MGAT4A: variants seen among roughly 807,000 people sequenced by gnomAD.
The protein encoded by MGAT4A is alpha-1,3-mannosyl-glycoprotein 4-beta-N-acetylglucosaminyltransferase A, also known as N-acetylglucosaminyltransferase IVa.
A neutral mutation model predicts 74.1 loss-of-function variants in MGAT4A; 33 were observed. The observed-to-expected ratio is 0.45, with a 90% CI of 0.34 to 0.60. The LOEUF is 0.60. MGAT4A is among the 20% of genes least tolerant of loss of function. MGAT4A has a pLI of 0.02. For missense variants in MGAT4A, 479 were observed against 628.3 expected (o/e 0.76, Z 2.54); for synonymous variants, 198 against 210.4 (o/e 0.94, Z 0.51).
chr2:98,726,586 A>G lies in MGAT4A; in HGVS notation c.-235-19T>C, dbSNP rs551183288. ...TCCCTTCCTATTCAGGGGAAAAGAG[A>G]AAGTCAAGCTCATTCGGTAATGCAA... On this transcript the variant is annotated intron_variant, in intron 1 of 15. Transcript: ENST00000393487. The G allele has an allele frequency of 2.4e-6, 1 of 410,606 alleles. No homozygotes were observed. Among genetic ancestry groups the G allele is most frequent in the East Asian group, 3.4e-5 (1 of 28,992 alleles). 25.4% of individuals were successfully genotyped at this position (410,606 alleles called of 1,614,324 possible).
chr2:98,647,552 C>CATGTCATACATG (rs1701510091), intron 8 of MGAT4A, among the ~76,000 whole-genome samples: 1 of 152,182 alleles, frequency 6.6e-6, no homozygotes. Flanking sequence ...CCCTTGACCT[C>CATGTCATACATG]AGGTGATCCA....
At position 98,656,211 on chromosome 2, in the gene MGAT4A, C is replaced by T. The variant is rs137931897; in HGVS notation, c.698+141G>A. ...AAGAAAACTCTACATTATTTCCAAG[C>T]GGTCCTGGACTTAATGAGACTTACC... On this transcript the variant is annotated intron_variant, in intron 7 of 15. Transcript: ENST00000393487. 1.6e-4 allele frequency: 101 copies of T among 615,442 alleles called. 1 individual carries two copies. The highest frequency in any genetic ancestry group is 1.2e-3 in the African/African-American group (62 of 52,096). 38.1% of individuals were successfully genotyped at this position (615,442 alleles called of 1,614,324 possible).
At chr2:98,642,789 C>G (rs978131646) in intron 10 of MGAT4A, among the ~76,000 whole-genome samples, 2 of 152,172 alleles carry the variant, frequency 1.3e-5, no homozygotes, top group African/African-American at 4.8e-5. Flanking sequence ...AAAACAGATA[C>G]TCTGCCATTG....
chr2:98,722,279 G>C (rs939259744), intron 2 of MGAT4A, among the ~76,000 whole-genome samples: 1 of 152,222 alleles, frequency 6.6e-6, no homozygotes, highest in Non-Finnish European at 1.5e-5. Context: ...TGGATAAACA[G>C]TGTGGTACAT....
At chr2:98,708,285 A>G (rs867074439) in intron 2 of MGAT4A, among the ~76,000 whole-genome samples, 2 of 152,176 alleles carry the variant, frequency 1.3e-5, no homozygotes, top group Non-Finnish European at 2.9e-5. Context: ...ACAGCTGACA[A>G]CAAGCTGCTT....
At chr2:98,632,085 G>A (rs1701246060) in intron 14 of MGAT4A, among the ~76,000 whole-genome samples, 1 of 151,472 alleles carries the variant, frequency 6.6e-6, no homozygotes, top group Non-Finnish European at 1.5e-5. Context: ...ACTTCAGCCT[G>A]GGCGGCAAAG....
At chr2:98,686,068 G>A (rs1359484271) in intron 2 of MGAT4A, among the ~76,000 whole-genome samples, 1 of 152,144 alleles carries the variant, frequency 6.6e-6, no homozygotes, top group Non-Finnish European at 1.5e-5. Context: ...TTGGGACAGA[G>A]AGGGTTTTCC....
chr2:98,645,629 C>G, intron 8 of MGAT4A, 87 bp from the exon 9 acceptor site: 1 of 911,366 alleles, frequency 1.1e-6, no homozygotes, highest in Non-Finnish European at 1.5e-6. Flanking sequence ...TACAAGCATA[C>G]CTTTATCATG....
intron 2 of MGAT4A, among the ~76,000 whole-genome samples, chr2:98,715,476 G>A (rs377602236): frequency 6.6e-6 from 1 of 152,188 alleles, no homozygotes; most frequent in South Asian, 2.1e-4. Flanking sequence ...CATAAAAAAA[G>A]AACGAGATCA....
At chr2:98,657,629 T>A (rs1471819826) in intron 6 of MGAT4A, among the ~76,000 whole-genome samples, 1 of 152,170 alleles carries the variant, frequency 6.6e-6, no homozygotes, top group African/African-American at 2.4e-5. Context: ...AAGGTATATC[T>A]TTTAGGGACA....
rs537009748 is a variant in MGAT4A at position 98,679,220 on chromosome 2, C to T, written c.95-749G>A. Among the ~76,000 whole-genome samples, 140 of 152,166 alleles carry T rather than the reference C, an allele frequency of 9.2e-4. 3 individuals are homozygous for T. Among genetic ancestry groups the T allele is most frequent in the Non-Finnish European group, 1.2e-3 (85 of 68,004 alleles). On this transcript the variant is annotated intron_variant, in intron 2 of 15. Coordinates refer to ENST00000393487, the MANE Select transcript of MGAT4A (RefSeq NM_012214.3). ...AGGAGATCGAGACCATCCTGGCTAA[C>T]ACGGTGAAACCCTGTCTCTACTAAA...
intron 3 of MGAT4A, among the ~76,000 whole-genome samples, chr2:98,677,501 G>A (rs1701991031): frequency 6.6e-6 from 1 of 152,130 alleles, no homozygotes; most frequent in African/African-American, 2.4e-5. Context: ...GTGCAGAACT[G>A]GAATGCAGTG....
chr2:98,696,102 C>T (rs975797772), intron 2 of MGAT4A, among the ~76,000 whole-genome samples: 1 of 152,130 alleles, frequency 6.6e-6, no homozygotes, highest in South Asian at 2.1e-4. Flanking sequence ...AAGCTGGTCT[C>T]GAACTCCTGA....
chr2:98,641,541 G>A (rs1701409790), intron 10 of MGAT4A, among the ~76,000 whole-genome samples: 1 of 150,116 alleles, frequency 6.7e-6, no homozygotes, highest in Non-Finnish European at 1.5e-5. Context: ...GCGTGGTGGC[G>A]GGCGCCTGCC....
At chr2:98,630,575 A>G (rs1701216414) in intron 14 of MGAT4A, among the ~76,000 whole-genome samples, 2 of 152,064 alleles carry the variant, frequency 1.3e-5, no homozygotes, top group Non-Finnish European at 2.9e-5. Context: ...TACTCAGCAT[A>G]TTATTATTAT....
At chr2:98,653,095 G>GA (rs1048527594) in intron 8 of MGAT4A, among the ~76,000 whole-genome samples, 24 of 138,738 alleles carry the variant, frequency 1.7e-4, no homozygotes, top group African/African-American at 5.0e-4. Flanking sequence ...AAGGGATTTA[G>GA]AAAAAAATCC....
Position 98,670,238 on chromosome 2 carries a change from G to C in MGAT4A, c.403+4797C>G, listed in dbSNP as rs552078304. ...CAAACAGAAACAGAGCCAACGGGTT[G>C]GGCTAGGTACTGGGATCACTAATTT... On this transcript the variant is annotated intron_variant, in intron 4 of 15. Coordinates refer to ENST00000393487, the MANE Select transcript of MGAT4A (RefSeq NM_012214.3). Among the ~76,000 whole-genome samples, 4 of 152,250 alleles carry C rather than the reference G, an allele frequency of 2.6e-5. No homozygotes were observed. The South Asian group carries it at 8.3e-4, about 32-fold the overall frequency.
intron 2 of MGAT4A, among the ~76,000 whole-genome samples, chr2:98,698,252 T>C (rs1356269037): frequency 1.3e-5 from 2 of 152,002 alleles, no homozygotes; most frequent in East Asian, 1.9e-4. Context: ...CCGTCTCTAC[T>C]AAAAATACAG....
chr2:98,658,251 T>A lies in MGAT4A; in HGVS notation c.551A>T (p.Tyr184Phe). ...VVFIGETDIDYVHGVVANLEK... is the reference protein window; with the variant it reads ...VVFIGETDIDFVHGVVANLEK... ...CAGGTTGGCTACAACACCATGTACA[T>A]AATCAATATCTGTCTGGGAAAGAAA... The change falls in exon 6 of 16, where the codon TAT (tyrosine) becomes TTT (phenylalanine). Residue 184 changes from tyrosine to phenylalanine, a missense_variant. By Grantham distance (22) the Tyr-to-Phe change is conservative. This residue lies in a region of MGAT4A where 205 missense variants were observed against 232.7 expected (regional missense o/e 0.88). Transcript: ENST00000393487. 1.3e-6 allele frequency: 2 copies of A among 1,568,610 alleles called. No homozygotes were observed. The highest frequency in any genetic ancestry group is 1.7e-6 in the Non-Finnish European group (2 of 1,151,232).
Sources: gnomAD v4.1 joint callset for allele counts (sites outside exome capture counted in the v4.1 genomes callset) on GRCh38, gnomAD v4.1.1 for gene constraint, gnomAD v4.1.1 regional missense constraint, MANE v1.5 for transcripts, NCBI Gene and HGNC (gene_info 2026-07-23, HGNC 2026-07-21) for gene names.